PGM5: variants seen among roughly 807,000 people sequenced by gnomAD.
PGM5 encodes phosphoglucomutase 5.
A neutral mutation model predicts 59.2 loss-of-function variants in PGM5; 23 were observed. The observed-to-expected ratio is 0.39, with a 90% CI of 0.28 to 0.55. PGM5 has a LOEUF of 0.55. PGM5 is among the 20% of genes least tolerant of loss of function. The pLI is 0.66. For synonymous variants in PGM5, 214 were observed against 286.0 expected (o/e 0.75, Z 2.54); for missense variants, 574 against 748.3 (o/e 0.77, Z 2.72).
At chr9:68,382,023 G>T (rs529349604) in intron 2 of PGM5, among the ~76,000 whole-genome samples, 1 of 151,896 alleles carries the variant, frequency 6.6e-6, no homozygotes, top group African/African-American at 2.4e-5. Flanking sequence ...CATGGAAATA[G>T]AAAAGCAATA....
intron 7 of PGM5, among the ~76,000 whole-genome samples, chr9:68,476,145 CTGT>C (rs1406212265): frequency 6.6e-6 from 1 of 152,184 alleles, no homozygotes; most frequent in Non-Finnish European, 1.5e-5. Context: ...TTTTTAAAGA[CTGT>C]TGATCATTAT....
intron 6 of PGM5, among the ~76,000 whole-genome samples, chr9:68,446,955 G>A (rs1823621089): frequency 6.6e-6 from 1 of 152,176 alleles, no homozygotes; most frequent in South Asian, 2.1e-4. Context: ...GACCTTATAA[G>A]GGGGAAGAGT....
chr9:68,418,673 C>T (rs1030703082), intron 6 of PGM5, among the ~76,000 whole-genome samples: 8 of 152,050 alleles, frequency 5.3e-5, no homozygotes, highest in African/African-American at 1.9e-4. Flanking sequence ...GTGGTTTCTG[C>T]GCCTGTGATG....
intron 9 of PGM5, among the ~76,000 whole-genome samples, chr9:68,486,186 A>G (rs1185933369): frequency 6.6e-6 from 1 of 152,238 alleles, no homozygotes; most frequent in African/African-American, 2.4e-5. Flanking sequence ...GCATTCATTC[A>G]GTGGATATTT....
intron 10 of PGM5, among the ~76,000 whole-genome samples, chr9:68,513,682 T>C (rs556627751): frequency 4.9e-4 from 74 of 152,320 alleles, no homozygotes; most frequent in African/African-American, 1.7e-3. Flanking sequence ...CTCACCCCAT[T>C]TCCCTAGGAA....
At chr9:68,478,036 G>T (rs1357285280) in intron 7 of PGM5, among the ~76,000 whole-genome samples, 1 of 152,244 alleles carries the variant, frequency 6.6e-6, no homozygotes, top group Non-Finnish European at 1.5e-5. Context: ...CCACACATCT[G>T]TGAAGTAGCA....
chr9:68,373,988 A>G (rs1821808083), intron 1 of PGM5, among the ~76,000 whole-genome samples: 1 of 152,270 alleles, frequency 6.6e-6, no homozygotes, highest in African/African-American at 2.4e-5. Flanking sequence ...TTCTCATACT[A>G]GTTTATCACC....
intron 6 of PGM5, among the ~76,000 whole-genome samples, chr9:68,456,282 T>C (rs115684171): frequency 1.7e-3 from 254 of 151,238 alleles, no homozygotes; most frequent in African/African-American, 5.7e-3. Context: ...TGGTATTAGA[T>C]TTTTTCTTTT....
At chr9:68,358,153 G>C (rs564156290) in intron 1 of PGM5, among the ~76,000 whole-genome samples, 42 of 152,232 alleles carry the variant, frequency 2.8e-4, no homozygotes, top group Non-Finnish European at 5.4e-4. Context: ...AATGAGATTT[G>C]CAGTGGTTTT....
At chr9:68,523,742 T>C (rs1030642179) in intron 10 of PGM5, among the ~76,000 whole-genome samples, 1 of 152,162 alleles carries the variant, frequency 6.6e-6, no homozygotes, top group South Asian at 2.1e-4. Context: ...CTATTCACTC[T>C]CCACCCATGG....
intron 2 of PGM5, among the ~76,000 whole-genome samples, chr9:68,381,039 T>C (rs1452870903): frequency 6.6e-6 from 1 of 151,958 alleles, no homozygotes; most frequent in Admixed American, 6.6e-5. Flanking sequence ...TCTTAGACTC[T>C]TCCAAAAATT....
At chr9:68,430,894 T>C (rs1306588825) in intron 6 of PGM5, among the ~76,000 whole-genome samples, 1 of 152,262 alleles carries the variant, frequency 6.6e-6, no homozygotes, top group Non-Finnish European at 1.5e-5. Context: ...GTATTCATCA[T>C]AACATGCATC....
At chr9:68,366,997 AC>A (rs1350708769) in intron 1 of PGM5, among the ~76,000 whole-genome samples, 1 of 151,890 alleles carries the variant, frequency 6.6e-6, no homozygotes, top group Non-Finnish European at 1.5e-5. Flanking sequence ...CTTCCTCTTG[AC>A]TTTTGGCATT....
chr9:68,470,092 A>G (rs572635515), intron 7 of PGM5, among the ~76,000 whole-genome samples: 1 of 152,326 alleles, frequency 6.6e-6, no homozygotes, highest in Non-Finnish European at 1.5e-5. Context: ...ATTAGCACAA[A>G]CTAATAGCTA....
intron 9 of PGM5, among the ~76,000 whole-genome samples, chr9:68,484,541 AACACACACACACACAC>A (rs72293391): frequency 4.5e-5 from 6 of 132,290 alleles, no homozygotes; most frequent in Admixed American, 2.3e-4. Context: ...CCATGTCTCA[AACACACACACACACAC>A]ACACACACAC....
intron 3 of PGM5, among the ~76,000 whole-genome samples, chr9:68,385,475 C>T (rs1174839711): frequency 3.8e-4 from 58 of 152,054 alleles, no homozygotes; most frequent in African/African-American, 1.4e-3. Context: ...ACAGTATTTG[C>T]CCAATGTTAC....
intron 1 of PGM5, among the ~76,000 whole-genome samples, chr9:68,373,082 G>A (rs1436077848): frequency 6.7e-6 from 1 of 149,816 alleles, no homozygotes; most frequent in African/African-American, 2.5e-5. Flanking sequence ...GACAGGAATG[G>A]CTGGGGGAAA....
At chr9:68,369,137 C>T (rs28579464) in intron 1 of PGM5, among the ~76,000 whole-genome samples, 5 of 152,180 alleles carry the variant, frequency 3.3e-5, no homozygotes, top group Admixed American at 1.3e-4. Context: ...GACTCAAGGG[C>T]AAGTGAAACG....
intron 9 of PGM5, chr9:68,498,874 G>T (rs1824524176): frequency 4.1e-6 from 1 of 244,226 alleles, no homozygotes; most frequent in Admixed American, 5.0e-5. Flanking sequence ...ATTTACAAGG[G>T]ACAAACTTTG....
Sources: gnomAD v4.1 joint callset for allele counts (sites outside exome capture counted in the v4.1 genomes callset) on GRCh38, gnomAD v4.1.1 for gene constraint, MANE v1.5 for transcripts, NCBI Gene and HGNC (gene_info 2026-07-23, HGNC 2026-07-21) for gene names.